Variants in EPHA6 observed in about 807,000 individuals in gnomAD.
The protein encoded by EPHA6 is ephrin type-A receptor 6.
In EPHA6, 50 loss-of-function variants were observed where a neutral mutation model predicts 112.0. That is an observed-to-expected ratio of 0.45 (90% CI 0.36 to 0.56). The LOEUF (loss-of-function observed/expected upper bound fraction) is 0.56. EPHA6 is among the 20% of genes least tolerant of loss of function. The probability of loss-of-function intolerance (pLI) is 0.00; values close to 1 mark genes in which losing one functional copy is unlikely to be tolerated. For missense variants in EPHA6, 1,280 were observed against 1,417.4 expected, an observed-to-expected ratio of 0.90 and a Z score of 1.56; for synonymous variants, 529 against 490.7, an observed-to-expected ratio of 1.08 and a Z score of -1.03.
chr3:97,146,767 C>T (rs2076053078), intron 3 of EPHA6, among the ~76,000 whole-genome samples: 1 of 151,780 alleles, frequency 6.6e-6, no homozygotes, highest in African/African-American at 2.4e-5. Flanking sequence ...CTTGATTATA[C>T]TAACAGCTTT....
At chr3:97,600,975 A>G (rs953948048) in intron 12 of EPHA6, among the ~76,000 whole-genome samples, 2 of 152,120 alleles carry the variant, frequency 1.3e-5, no homozygotes, top group African/African-American at 4.8e-5. Context: ...GAATTTTTAA[A>G]TAGTTCTAGC....
At chr3:96,855,090 T>C (rs1176764286) in intron 1 of EPHA6, among the ~76,000 whole-genome samples, 1 of 152,120 alleles carries the variant, frequency 6.6e-6, no homozygotes, top group Non-Finnish European at 1.5e-5. Context: ...TGCCTTCCTC[T>C]CTCTTCAGAG....
At chr3:97,235,211 C>T (rs1490707659) in intron 4 of EPHA6, among the ~76,000 whole-genome samples, 1 of 152,120 alleles carries the variant, frequency 6.6e-6, no homozygotes, top group Non-Finnish European at 1.5e-5. Context: ...CTTGCTTCCT[C>T]ATTTGTTGTC....
chr3:97,703,091 C>T (rs1350344574), intron 14 of EPHA6, among the ~76,000 whole-genome samples: 3 of 152,118 alleles, frequency 2.0e-5, no homozygotes, highest in Non-Finnish European at 1.5e-5. Context: ...AGTCAGCCCT[C>T]GGGAAGCATT....
At chr3:97,522,980 G>T (rs1302218185) in intron 10 of EPHA6, among the ~76,000 whole-genome samples, 2 of 151,896 alleles carry the variant, frequency 1.3e-5, no homozygotes, top group Non-Finnish European at 2.9e-5. Flanking sequence ...CTTTTCAAAA[G>T]AAAACTTATT....
At chr3:96,820,730 A>C (rs1359591882) in intron 1 of EPHA6, among the ~76,000 whole-genome samples, 1 of 152,072 alleles carries the variant, frequency 6.6e-6, no homozygotes, top group Non-Finnish European at 1.5e-5. Context: ...ACCATTGTAC[A>C]TAAGGTAAAC....
At chr3:97,595,902 CTTTTTTTT>C (rs1198606431) in intron 12 of EPHA6, among the ~76,000 whole-genome samples, 2 of 115,028 alleles carry the variant, frequency 1.7e-5, no homozygotes, top group Non-Finnish European at 3.4e-5. Flanking sequence ...GACATATTCT[CTTTTTTTT>C]TTTTTTTTTT....
intron 6 of EPHA6, among the ~76,000 whole-genome samples, chr3:97,432,362 C>A: frequency 6.6e-6 from 1 of 152,132 alleles, no homozygotes; most frequent in East Asian, 1.9e-4. Flanking sequence ...GATAATCATT[C>A]TAACATTTAA....
chr3:97,238,837 G>C (rs1174195391), intron 4 of EPHA6, among the ~76,000 whole-genome samples: 1 of 151,894 alleles, frequency 6.6e-6, no homozygotes, highest in East Asian at 1.9e-4. Context: ...AAGGGAGCTA[G>C]AGGCTAAAGA....
intron 6 of EPHA6, among the ~76,000 whole-genome samples, chr3:97,443,185 C>T (rs776751688): frequency 9.9e-5 from 15 of 151,774 alleles, no homozygotes; most frequent in Non-Finnish European, 1.5e-4. Flanking sequence ...GACAGAGAGG[C>T]AGGGTGAGGA....
At chr3:97,496,678 C>A (rs1014882607) in intron 10 of EPHA6, among the ~76,000 whole-genome samples, 1 of 151,958 alleles carries the variant, frequency 6.6e-6, no homozygotes, top group African/African-American at 2.4e-5. Flanking sequence ...TCATTCTGGC[C>A]ATCTGTCAGT....
intron 1 of EPHA6, among the ~76,000 whole-genome samples, chr3:96,857,606 T>C (rs1284612389): frequency 6.6e-6 from 1 of 152,152 alleles, no homozygotes; most frequent in South Asian, 2.1e-4. Flanking sequence ...ATAATTGTGC[T>C]AAGAGCTGTT....
At chr3:97,244,795 T>G (rs1236638564) in intron 5 of EPHA6, 4 of 155,014 alleles carry the variant, frequency 2.6e-5, no homozygotes, top group African/African-American at 9.6e-5. Context: ...AATGTCATCA[T>G]CTATGTGAAG....
intron 14 of EPHA6, among the ~76,000 whole-genome samples, chr3:97,671,709 C>A (rs2030845705): frequency 6.6e-6 from 1 of 151,826 alleles, no homozygotes; most frequent in Non-Finnish European, 1.5e-5. Context: ...AGACTCAGGG[C>A]AAAATAATTT....
At chr3:97,097,050 A>G in intron 3 of EPHA6, among the ~76,000 whole-genome samples, 1 of 151,734 alleles carries the variant, frequency 6.6e-6, no homozygotes, top group Non-Finnish European at 1.5e-5. Flanking sequence ...TCATTTCATT[A>G]ATGTTTATCA....
At chr3:97,167,342 C>T (rs2076565463) in intron 3 of EPHA6, among the ~76,000 whole-genome samples, 1 of 152,094 alleles carries the variant, frequency 6.6e-6, no homozygotes, top group Non-Finnish European at 1.5e-5. Flanking sequence ...GCCCAGCTTT[C>T]CTCTATCTCA....
intron 5 of EPHA6, among the ~76,000 whole-genome samples, chr3:97,271,259 T>C (rs140983620): frequency 6.6e-6 from 1 of 152,404 alleles, no homozygotes; most frequent in African/African-American, 2.4e-5. Context: ...TTTCTGAATA[T>C]GCACCCATAC....
At chr3:96,893,923 C>T (rs1408318176) in intron 2 of EPHA6, among the ~76,000 whole-genome samples, 4 of 152,090 alleles carry the variant, frequency 2.6e-5, no homozygotes, top group Non-Finnish European at 1.5e-5. Context: ...GTGAAGACAG[C>T]TGAAGAATTT....
chr3:97,329,945 T>C (rs888429327), intron 5 of EPHA6, among the ~76,000 whole-genome samples: 1 of 152,088 alleles, frequency 6.6e-6, no homozygotes. Flanking sequence ...GTTTTTATGG[T>C]TTTAGGTATA....
Sources: gnomAD v4.1 joint callset for allele counts (sites outside exome capture counted in the v4.1 genomes callset) on GRCh38, gnomAD v4.1.1 for gene constraint, MANE v1.5 for transcripts, NCBI Gene and HGNC (gene_info 2026-07-23, HGNC 2026-07-21) for gene names.